The following GRIK4 variants were observed in gnomAD, a reference collection of about 807,000 sequenced individuals.
GRIK4 encodes glutamate ionotropic receptor kainate type subunit 4, also known as glutamate receptor ionotropic, kainate 4.
Under a neutral mutation model 104.9 loss-of-function variants are expected in GRIK4, and 40 were observed. The observed-to-expected ratio is 0.38, with a 90% CI of 0.30 to 0.50. The LOEUF (loss-of-function observed/expected upper bound fraction) is 0.50, where lower values mean the gene tolerates loss of function less well. Among genes scored for constraint, GRIK4 ranks in the 20% least tolerant of loss-of-function variants. The pLI is 0.93. For missense variants in GRIK4, 1,047 were observed against 1,308.1 expected (o/e 0.80, Z 3.08); for synonymous variants, 485 against 524.9 (o/e 0.92, Z 1.04).
intron 13 of GRIK4, among the ~76,000 whole-genome samples, chr11:120,927,565 C>CAAAAAAAAAAA (rs56223442): frequency 9.8e-6 from 1 of 101,596 alleles, no homozygotes; most frequent in Non-Finnish European, 1.9e-5. Flanking sequence ...GACTCTGTCT[C>CAAAAAAAAAAA]AAAAAAAAAA....
At chr11:120,616,456 C>T (rs1318180879) in intron 1 of GRIK4, among the ~76,000 whole-genome samples, 1 of 152,226 alleles carries the variant, frequency 6.6e-6, no homozygotes, top group Admixed American at 6.5e-5. Flanking sequence ...AGACATGTTC[C>T]TTAGGGAGCC....
intron 3 of GRIK4, among the ~76,000 whole-genome samples, chr11:120,785,127 C>G (rs936883189): frequency 6.6e-6 from 1 of 152,136 alleles, no homozygotes; most frequent in Admixed American, 6.5e-5. Context: ...CTGTCACCGG[C>G]GGGCCATTAG....
intron 3 of GRIK4, among the ~76,000 whole-genome samples, chr11:120,661,336 C>G (rs1234169015): frequency 6.6e-6 from 1 of 152,126 alleles, no homozygotes; most frequent in Non-Finnish European, 1.5e-5. Flanking sequence ...ACCCATCCAA[C>G]AGCAGGGCCC....
intron 3 of GRIK4, among the ~76,000 whole-genome samples, chr11:120,692,456 C>G (rs1950381840): frequency 6.6e-6 from 1 of 152,164 alleles, no homozygotes; most frequent in African/African-American, 2.4e-5. Context: ...CAGATCTTGA[C>G]AATTCATGTG....
intron 19 of GRIK4, among the ~76,000 whole-genome samples, chr11:120,969,273 TG>T (rs371587495): frequency 6.6e-6 from 1 of 151,146 alleles, no homozygotes; most frequent in East Asian, 1.9e-4. Context: ...TAAAAGAAAA[TG>T]GGGGGGATGC....
Position 120,761,950 on chromosome 11 carries a change from A to G in GRIK4, c.83-40743A>G, listed in dbSNP as rs1239406113. ...TATACGGACTCTTTTTTGCTTTCAT[A>G]TTAAATTTAAAGTAATTTTTTCTAA... On this transcript the variant is annotated intron_variant, in intron 3 of 20. Transcript: ENST00000527524. Among the ~76,000 whole-genome samples the G allele has an allele frequency of 2.0e-5, 3 of 152,040 alleles. No individual in the cohort carries two copies. The South Asian group carries it at 6.2e-4, about 32-fold the overall frequency.
rs572078746 is a variant in GRIK4, at chr11:120,560,656, G to A, written c.-159+48769G>A. The stretch of plus-strand genomic sequence containing the variant: ...CTAATTTCAGCTCCTCCATTCATTA[G>A]TTGAGTGGTCTTAGATCACTCGGTG... On this transcript the variant is annotated intron_variant, in intron 1 of 20. Transcript: ENST00000527524. Among the ~76,000 whole-genome samples the A allele has an allele frequency of 2.0e-5, 3 of 152,334 alleles. No homozygotes were observed. In the East Asian group the frequency reaches 5.8e-4, roughly 29 times the overall value.
chr11:120,737,693 A>G (rs1183026498), intron 3 of GRIK4, among the ~76,000 whole-genome samples: 1 of 152,256 alleles, frequency 6.6e-6, no homozygotes. Flanking sequence ...GTGATAAATC[A>G]TAAAAGAAAA....
chr11:120,909,634 C>G (rs1291184643), intron 13 of GRIK4, among the ~76,000 whole-genome samples: 1 of 152,144 alleles, frequency 6.6e-6, no homozygotes, highest in African/African-American at 2.4e-5. Context: ...AAGCAAGGTA[C>G]ATGTAATTGA....
intron 3 of GRIK4, among the ~76,000 whole-genome samples, chr11:120,666,259 G>T (rs1036566150): frequency 9.9e-5 from 15 of 152,228 alleles, no homozygotes; most frequent in Non-Finnish European, 1.9e-4. Flanking sequence ...AGTCTCCCAG[G>T]TTTGTGACTT....
chr11:120,948,454 A>G (rs1943918087), intron 14 of GRIK4, among the ~76,000 whole-genome samples: 1 of 152,170 alleles, frequency 6.6e-6, no homozygotes, highest in Non-Finnish European at 1.5e-5. Flanking sequence ...CACTCTGTCA[A>G]TGACGTCTTT....
At chr11:120,964,075 C>T (rs2134740642) in intron 18 of GRIK4, among the ~76,000 whole-genome samples, 1 of 150,184 alleles carries the variant, frequency 6.7e-6, no homozygotes, top group South Asian at 2.1e-4. Context: ...TCACTGCAAC[C>T]TCCGCCTCCC....
intron 1 of GRIK4, chr11:120,564,303 C>A (rs947668925): frequency 6.6e-6 from 1 of 152,140 alleles, no homozygotes; most frequent in Non-Finnish European, 1.5e-5. Context: ...TTATTGCAAG[C>A]GGCGCCACCG....
intron 1 of GRIK4, among the ~76,000 whole-genome samples, chr11:120,641,042 CAACT>C (rs1377448317): frequency 6.6e-6 from 1 of 152,218 alleles, no homozygotes; most frequent in African/African-American, 2.4e-5. Context: ...AACGATGGTG[CAACT>C]TTGTCCTTGG....
At chr11:120,665,119 G>C (rs1949890077) in intron 3 of GRIK4, among the ~76,000 whole-genome samples, 2 of 152,084 alleles carry the variant, frequency 1.3e-5, no homozygotes. Flanking sequence ...TAGGAGAATT[G>C]GGGGAGACAA....
chr11:120,637,278 C>G (rs1263025026), intron 1 of GRIK4, among the ~76,000 whole-genome samples: 2 of 152,190 alleles, frequency 1.3e-5, no homozygotes, highest in African/African-American at 4.8e-5. Flanking sequence ...TTTGTACCAG[C>G]AAGCGACACA....
At chr11:120,618,656 T>C (rs1208601617) in intron 1 of GRIK4, among the ~76,000 whole-genome samples, 1 of 152,172 alleles carries the variant, frequency 6.6e-6, no homozygotes, top group East Asian at 1.9e-4. Flanking sequence ...AGGACACTGT[T>C]CCATACAGCC....
At chr11:120,534,093 G>C (rs1358201270) in intron 1 of GRIK4, among the ~76,000 whole-genome samples, 1 of 152,148 alleles carries the variant, frequency 6.6e-6, no homozygotes, top group African/African-American at 2.4e-5. Context: ...GCCAGGCACC[G>C]GGGTACAGAG....
intron 1 of GRIK4, among the ~76,000 whole-genome samples, chr11:120,552,431 G>C (rs1387361443): frequency 2.0e-5 from 3 of 152,198 alleles, no homozygotes; most frequent in African/African-American, 4.8e-5. Context: ...TGGATGGAGA[G>C]ACAAGGCAAT....
Sources: allele counts gnomAD v4.1 joint callset (sites outside exome capture counted in the v4.1 genomes callset), GRCh38; gene constraint gnomAD v4.1.1; transcripts MANE v1.5; gene names NCBI Gene and HGNC (gene_info 2026-07-23, HGNC 2026-07-21).